Variants in GABRA4 observed in about 807,000 individuals in gnomAD.
GABRA4 encodes the protein gamma-aminobutyric acid type A receptor subunit alpha4.
In GABRA4, 12 loss-of-function variants were observed where a neutral mutation model predicts 49.7. That is an observed-to-expected ratio of 0.24 (90% confidence interval 0.15 to 0.39). The LOEUF (loss-of-function observed/expected upper bound fraction) is 0.39, where lower values mean the gene tolerates loss of function less well. GABRA4 is among the 10% of genes least tolerant of loss of function. The pLI is 1.00. For missense variants in GABRA4, 506 were observed against 686.0 expected, an observed-to-expected ratio of 0.74 and a Z score of 2.93; for synonymous variants, 288 against 240.2, an observed-to-expected ratio of 1.20 and a Z score of -1.84.
At chr4:46,973,391 T>C (rs1577784198) in intron 6 of GABRA4, among the ~76,000 whole-genome samples, 1 of 151,876 alleles carries the variant, frequency 6.6e-6, no homozygotes, top group East Asian at 1.9e-4. Flanking sequence ...ATGTGAGGAC[T>C]TATTCATAGA....
chr4:46,958,663 C>T (rs2109366253), intron 8 of GABRA4, among the ~76,000 whole-genome samples: 1 of 151,916 alleles, frequency 6.6e-6, no homozygotes, highest in African/African-American at 2.4e-5. Context: ...TCTGAGACGC[C>T]CAAAGACATA....
In GABRA4 at chr4:46,958,952, T is replaced by G. The variant is rs139854852; in HGVS notation, c.1134+6018A>C. ...CATTTTAAGCAAAGGCAGTATCATT[T>G]GAATAAGTAAATAGCTTTACAAGTT... is the stretch of plus-strand genomic sequence containing the variant. On this transcript the variant is annotated intron_variant, in intron 8 of 8. Transcript: ENST00000264318. 2.3e-3 allele frequency among the ~76,000 whole-genome samples: 347 copies of G among 152,120 alleles called. 3 individuals carry two copies. The highest frequency in any genetic ancestry group is 8.1e-3 in the African/African-American group (337 of 41,556).
chr4:46,961,953 T>A (rs1461061041), intron 8 of GABRA4, among the ~76,000 whole-genome samples: 2 of 151,920 alleles, frequency 1.3e-5, no homozygotes, highest in African/African-American at 4.8e-5. Flanking sequence ...AAAAAGATAC[T>A]TTTTAATTGT....
intron 2 of GABRA4, among the ~76,000 whole-genome samples, chr4:46,989,148 T>A (rs1723649698): frequency 6.6e-6 from 1 of 152,200 alleles, no homozygotes; most frequent in African/African-American, 2.4e-5. Context: ...ATCATATGCC[T>A]CAAAAGATTG....
At chr4:46,967,399 G>T (rs1722802030) in intron 7 of GABRA4, among the ~76,000 whole-genome samples, 1 of 151,034 alleles carries the variant, frequency 6.6e-6, no homozygotes, top group Non-Finnish European at 1.5e-5. Flanking sequence ...GTGATCAGAA[G>T]TAGTGTTCTT....
chr4:46,940,173 T>C (rs1645502498), intron 8 of GABRA4, among the ~76,000 whole-genome samples: 1 of 152,224 alleles, frequency 6.6e-6, no homozygotes, highest in South Asian at 2.1e-4. Context: ...CTATTCCCTA[T>C]CTTTCTTCCA....
chr4:46,946,643 A>T (rs1721990319), intron 8 of GABRA4, among the ~76,000 whole-genome samples: 1 of 152,174 alleles, frequency 6.6e-6, no homozygotes, highest in South Asian at 2.1e-4. Context: ...AAGGATGATT[A>T]TAAGACATAA....
At chr4:46,943,093 G>A (rs1024630273) in intron 8 of GABRA4, among the ~76,000 whole-genome samples, 1 of 152,078 alleles carries the variant, frequency 6.6e-6, no homozygotes, top group Non-Finnish European at 1.5e-5. Context: ...TAGGAGAGTA[G>A]AGACCAGCCC....
chr4:46,928,434 T>A lies in GABRA4; in HGVS notation c.1456A>T (p.Ile486Leu). Residue 486 changes from isoleucine (I) to leucine (L), a missense_variant, in exon 9 of 9, where the codon ATA becomes TTA. Around this residue, in one of 5 missense-constraint regions of GABRA4, gnomAD observed 243 missense variants for 210.8 expected, o/e 1.15. Transcript: ENST00000264318. Reference protein sequence around the residue: ...RHVFGSRLQRIKTTVNTIGAT... With the variant: ...RHVFGSRLQRLKTTVNTIGAT... ...CCTATGGTATTAACTGTGGTCTTTA[T>A]CCTCTGCAGTCTTGATCCAAACACG... 1 of 1,613,660 alleles carries A rather than the reference T, an allele frequency of 6.2e-7. No homozygotes were observed. The highest frequency in any genetic ancestry group is 1.1e-5 in the South Asian group (1 of 91,084).
In GABRA4 at chr4:46,928,229, A is replaced by G; in HGVS notation, c.1661T>C (p.Met554Thr). 1.2e-6 allele frequency: 2 copies of G among 1,604,970 alleles called. No homozygotes were observed. Among genetic ancestry groups the G allele is most frequent in the Non-Finnish European group, 1.7e-6 (2 of 1,175,220 alleles). The change falls in exon 9 of 9, where the codon ATG becomes ACG. Residue 554 changes from methionine (M) to threonine (T), a missense_variant. Around this residue, in one of 5 missense-constraint regions of GABRA4, gnomAD observed 29 missense variants for 25.1 expected, o/e 1.16. Transcript: ENST00000264318. ...KDTMEKSESL[M>T] ...CAAACTACTATAGCAACGAAATTACATTAGACTTTCTGATTTCTCCATAGT... is the reference window on the plus strand; with the variant it reads ...CAAACTACTATAGCAACGAAATTACGTTAGACTTTCTGATTTCTCCATAGT...
chr4:46,974,003 A>G (rs530954000), intron 6 of GABRA4, among the ~76,000 whole-genome samples: 1 of 152,010 alleles, frequency 6.6e-6, no homozygotes, highest in Non-Finnish European at 1.5e-5. Context: ...TCATTTCTGA[A>G]TAAGAAAACC....
chr4:46,974,358 C>G lies in GABRA4; in HGVS notation c.595G>C (p.Glu199Gln). Residue 199 changes from glutamate to glutamine, a missense_variant, in exon 6 of 9, where the codon GAG becomes CAG. Coordinates refer to ENST00000264318, the MANE Select transcript of GABRA4 (RefSeq NM_000809.4). ...CCTTTTGTCCAGGTATAGATCATCT[C>G]ACTCTTTGGATAGGCATCTAAAAGA... ...KFGSYAYPKS[E>Q]MIYTWTKGPE... is the part of the protein sequence containing the mutation. 6.2e-7 allele frequency: 1 copy of G among 1,610,600 alleles called. No homozygotes were observed. Among genetic ancestry groups the G allele is most frequent in the Non-Finnish European group, 8.5e-7 (1 of 1,177,994 alleles).
chr4:46,925,714 A>T lies in GABRA4; in HGVS notation c.*2511T>A, dbSNP rs1721196528. The T allele has an allele frequency of 7.2e-6, 1 of 139,376 alleles. No individual in the cohort carries two copies. Among genetic ancestry groups the T allele is most frequent in the Non-Finnish European group, 1.6e-5 (1 of 64,414 alleles). 8.6% of individuals were successfully genotyped at this position (139,376 alleles called of 1,614,324 possible). Reference sequence around the variant, plus strand: ...AATTCAGTTAAGGAAAGCAAACAACATATTATTATTATTATTATTATTATT... The same window carrying T: ...AATTCAGTTAAGGAAAGCAAACAACTTATTATTATTATTATTATTATTATT... On this transcript the variant is annotated 3_prime_UTR_variant, in exon 9 of 9. Transcript: ENST00000264318.
At position 46,922,251 on chromosome 4, in the gene GABRA4, C is replaced by T. The variant is rs1190687319; in HGVS notation, c.*5974G>A. 1.3e-5 allele frequency: 2 copies of T among 151,866 alleles called. No homozygotes were observed. The highest frequency in any genetic ancestry group is 2.9e-5 in the Non-Finnish European group (2 of 67,956). 9.4% of individuals were successfully genotyped at this position (151,866 alleles called of 1,614,324 possible). A position where few individuals can be genotyped will look rare whatever the true frequency, so the allele number is the denominator to read the frequency against. On this transcript the variant is annotated 3_prime_UTR_variant, in exon 9 of 9. Transcript: ENST00000264318. ...TACACTGTGAACTACATAGGCCGCC[C>T]AAATGTCAAAAATAGATATAAAAAT...
intron 7 of GABRA4, among the ~76,000 whole-genome samples, chr4:46,966,645 C>T (rs113286265): frequency 5.9e-5 from 9 of 151,742 alleles, no homozygotes; most frequent in African/African-American, 2.2e-4. Context: ...AATAAAAACT[C>T]ATTTTTCCAG....
At chr4:46,989,900 C>T (rs1723683428) in intron 2 of GABRA4, among the ~76,000 whole-genome samples, 1 of 152,186 alleles carries the variant, frequency 6.6e-6, no homozygotes, top group Non-Finnish European at 1.5e-5. Flanking sequence ...CTATAGAAGG[C>T]ATCTGATTTG....
rs1367938149 is a variant in GABRA4 at position 46,993,383 on chromosome 4, G to A, written c.42C>T (p.Ala14=). The change falls in exon 1 of 9, where the codon GCC becomes GCT. Residue 14 remains alanine, a synonymous_variant. Transcript: ENST00000264318. The part of the protein sequence containing the change: ...AKKVPAIALS[A]GVSFALLRFL... ...AGCGCAGGAGGGCGAAACTGACCCC[G>A]GCGGACAGAGCGATCGCGGGTACCT... is the stretch of plus-strand genomic sequence containing the variant. 5.0e-6 allele frequency: 8 copies of A among 1,614,232 alleles called. No homozygotes were observed. Among genetic ancestry groups the A allele is most frequent in the Middle Eastern group, 1.6e-4 (1 of 6,062 alleles).
chr4:46,927,944 G>A lies in GABRA4; in HGVS notation c.*281C>T, dbSNP rs1419622234. The A allele has an allele frequency of 4.1e-6, 1 of 245,724 alleles. No individual in the cohort carries two copies. The highest frequency in any genetic ancestry group is 7.8e-6 in the Non-Finnish European group (1 of 127,708). 15.2% of individuals were successfully genotyped at this position (245,724 alleles called of 1,614,324 possible). ...ATCAATGAAAAAATATGCGCCACTT[G>A]TCTCTAATAGCTCTATTTCTCTTAT... On this transcript the variant is annotated 3_prime_UTR_variant, in exon 9 of 9. Coordinates refer to ENST00000264318, the MANE Select transcript of GABRA4 (RefSeq NM_000809.4).
intron 6 of GABRA4, 38 bp downstream of exon 6, chr4:46,974,194 C>G (rs373871509): frequency 6.3e-7 from 1 of 1,575,886 alleles, no homozygotes; most frequent in African/African-American, 1.4e-5. Context: ...ATTGCTAACA[C>G]CAAGTAGCAT....
Sources: allele counts gnomAD v4.1 joint callset (sites outside exome capture counted in the v4.1 genomes callset), GRCh38; gene constraint gnomAD v4.1.1; regional missense constraint gnomAD v4.1.1; transcripts MANE v1.5; gene names NCBI Gene and HGNC (gene_info 2026-07-23, HGNC 2026-07-21).